Variants in SPOCK3 observed in about 807,000 individuals in gnomAD.
SPOCK3 encodes the protein testican-3.
Under a neutral mutation model 56.6 loss-of-function variants are expected in SPOCK3, and 30 were observed. The ratio of observed to expected loss-of-function variants is 0.53; its 90% CI spans 0.40 to 0.72. The LOEUF is 0.72. Among genes scored for constraint, SPOCK3 ranks in the 30% least tolerant of loss-of-function variants. The pLI is 0.00. For missense variants in SPOCK3, 527 were observed against 530.0 expected, an observed-to-expected ratio of 0.99 and a Z score of 0.06; for synonymous variants, 196 against 183.3, an observed-to-expected ratio of 1.07 and a Z score of -0.56.
At chr4:167,027,417 C>T (rs958006649) in intron 3 of SPOCK3, among the ~76,000 whole-genome samples, 24 of 151,840 alleles carry the variant, frequency 1.6e-4, no homozygotes, top group African/African-American at 5.8e-4. Flanking sequence ...AGGTAATGTC[C>T]CTTGTCTTGC....
intron 4 of SPOCK3, among the ~76,000 whole-genome samples, chr4:166,938,955 C>CCA (rs59234659): frequency 0.58 from 86,153 of 148,334 alleles, 25,341 homozygotes; most frequent in East Asian, 0.88. Flanking sequence ...CATACACACA[C>CCA]CACACACACA....
rs1737267799 is a variant in SPOCK3, at chr4:166,761,875, C to T, written c.710-7146G>A. 4.7e-4 allele frequency among the ~76,000 whole-genome samples: 2 copies of T among 4,222 alleles called. 1 individual carries two copies. Among genetic ancestry groups the T allele is most frequent in the Non-Finnish European group, 1.2e-3 (2 of 1,724 alleles). 2.8% of individuals were successfully genotyped at this position (4,222 alleles called of 152,430 possible). On this transcript the variant is annotated intron_variant, in intron 7 of 10. Transcript: ENST00000357545. ...CTAACCTGCACAATGTGCACATGTA[C>T]CCTAAAACTTAGAGTATAATAAAAA... is the stretch of plus-strand genomic sequence containing the variant.
intron 2 of SPOCK3, among the ~76,000 whole-genome samples, chr4:167,067,367 AT>A (rs1756258786): frequency 6.6e-6 from 1 of 151,892 alleles, no homozygotes; most frequent in South Asian, 2.1e-4. Context: ...GTTAACTGCT[AT>A]AAAAAGATCA....
At position 166,800,183 on chromosome 4, in the gene SPOCK3, G is replaced by GAAAAAAAAAAAAAAAAAAAA. The variant is rs367811359; in HGVS notation, c.590-7914_590-7895dup. 2.0e-3 allele frequency among the ~76,000 whole-genome samples: 105 copies of GAAAAAAAAAAAAAAAAAAAA among 51,766 alleles called. 1 individual carries two copies. Among genetic ancestry groups the GAAAAAAAAAAAAAAAAAAAA allele is most frequent in the Middle Eastern group, 0.011 (1 of 94 alleles). The allele number at this position is 51,766 out of a possible 152,430, so 34.0% of individuals were successfully genotyped here. ...GGCGACAGAGAGAGACTCCATCTCA[G>GAAAAAAAAAAAAAAAAAAAA]AAAAAAAAAAAAAAAAAAAAAAATG... On this transcript the variant is annotated intron_variant, in intron 6 of 10. Coordinates refer to ENST00000357545, the MANE Select transcript of SPOCK3 (RefSeq NM_001040159.2).
At chr4:167,000,644 T>C (rs1748855240) in intron 3 of SPOCK3, among the ~76,000 whole-genome samples, 181 bp from the exon 4 acceptor site, 1 of 152,166 alleles carries the variant, frequency 6.6e-6, no homozygotes, top group Non-Finnish European at 1.5e-5. Flanking sequence ...AACAGCTAGC[T>C]GTAGTTGTCT....
chr4:167,117,855 A>G lies in SPOCK3; in HGVS notation c.190-55318T>C, dbSNP rs566085516. On this transcript the variant is annotated intron_variant, in intron 2 of 10. Transcript: ENST00000357545. Reference sequence around the variant, plus strand: ...CAGAGGAGAACAAAGTCTGACTAAAATGCAACAAAGCTTAATAAGACCCAA... The same window carrying G: ...CAGAGGAGAACAAAGTCTGACTAAAGTGCAACAAAGCTTAATAAGACCCAA... Among the ~76,000 whole-genome samples the G allele has an allele frequency of 5.9e-5, 9 of 152,312 alleles. No individual in the cohort carries two copies. The South Asian group carries it at 1.9e-3, about 32-fold the overall frequency.
rs115205486 is a variant in SPOCK3 at position 166,873,904 on chromosome 4, G to A, written c.589+15226C>T. On this transcript the variant is annotated intron_variant, in intron 6 of 10. Transcript: ENST00000357545. ...CATCAAAGATCTCAAAAGCATGTGG[G>A]TATTCACTCAGAAGAAGGAATGGAT... 6.1e-3 allele frequency among the ~76,000 whole-genome samples: 932 copies of A among 152,228 alleles called. 8 individuals are homozygous for A. The highest frequency in any genetic ancestry group is 6.8e-3 in the Middle Eastern group (2 of 294).
At chr4:167,148,481 A>C (rs929506571) in intron 2 of SPOCK3, among the ~76,000 whole-genome samples, 6 of 152,176 alleles carry the variant, frequency 3.9e-5, no homozygotes, top group Non-Finnish European at 7.3e-5. Context: ...AATTGGCTTC[A>C]ACCAATCGTG....
At chr4:167,233,154 T>C (rs2111190500) in intron 2 of SPOCK3, among the ~76,000 whole-genome samples, 1 of 152,292 alleles carries the variant, frequency 6.6e-6, no homozygotes, top group East Asian at 1.9e-4. Flanking sequence ...TCGTGCTCTG[T>C]ACGTGAGCAG....
At chr4:166,819,734 T>A (rs1280526213) in intron 6 of SPOCK3, among the ~76,000 whole-genome samples, 1 of 151,668 alleles carries the variant, frequency 6.6e-6, no homozygotes, top group East Asian at 1.9e-4. Context: ...ACCACATTCA[T>A]GAATTGGAAG....
intron 2 of SPOCK3, among the ~76,000 whole-genome samples, chr4:167,126,195 C>CTACG (rs538001494): frequency 3.9e-5 from 6 of 152,132 alleles, no homozygotes; most frequent in Middle Eastern, 3.2e-3. Context: ...TGTTTGACAC[C>CTACG]TACGGTAAGG....
Position 166,885,817 on chromosome 4 carries a change from T to C in SPOCK3, c.589+3313A>G, listed in dbSNP as rs1457009658. On this transcript the variant is annotated intron_variant, in intron 6 of 10. Transcript: ENST00000357545. Reference sequence around the variant, plus strand: ...AAACTCATAATCATAAGAAAAGTAGTTTGAACTTTGGAATACCCAGATTTG... The same window carrying C: ...AAACTCATAATCATAAGAAAAGTAGCTTGAACTTTGGAATACCCAGATTTG... Among the ~76,000 whole-genome samples the C allele has an allele frequency of 2.6e-5, 4 of 152,218 alleles. No individual in the cohort carries two copies. The East Asian group carries it at 7.7e-4, about 29-fold the overall frequency.
At chr4:167,124,446 T>C (rs1400049755) in intron 2 of SPOCK3, among the ~76,000 whole-genome samples, 4 of 152,202 alleles carry the variant, frequency 2.6e-5, no homozygotes, top group African/African-American at 9.6e-5. Flanking sequence ...TGCAGTCAGA[T>C]ATTTTCATCT....
intron 3 of SPOCK3, among the ~76,000 whole-genome samples, chr4:167,007,783 C>T (rs1749603037): frequency 6.6e-6 from 1 of 152,090 alleles, no homozygotes; most frequent in Non-Finnish European, 1.5e-5. Flanking sequence ...CCTCTAAGAG[C>T]TTACTGATGA....
intron 7 of SPOCK3, among the ~76,000 whole-genome samples, chr4:166,769,188 G>A (rs532594912): frequency 5.9e-5 from 9 of 152,252 alleles, no homozygotes; most frequent in South Asian, 4.1e-4. Context: ...CTCTCAACTC[G>A]TCAAAGTTAT....
At chr4:166,746,262 G>C (rs1735600414) in intron 8 of SPOCK3, among the ~76,000 whole-genome samples, 1 of 152,150 alleles carries the variant, frequency 6.6e-6, no homozygotes, top group African/African-American at 2.4e-5. Context: ...GCCAGCAAAT[G>C]TAAAAGAACA....
chr4:166,754,429 C>T (rs549136513), intron 8 of SPOCK3, 79 bp downstream of exon 8: 1 of 1,514,076 alleles, frequency 6.6e-7, no homozygotes, highest in African/African-American at 1.4e-5. Flanking sequence ...GCATAGTGTA[C>T]TGTTTTATTT....
At chr4:166,999,427 T>C (rs1748729323) in intron 4 of SPOCK3, among the ~76,000 whole-genome samples, 1 of 152,178 alleles carries the variant, frequency 6.6e-6, no homozygotes, top group African/African-American at 2.4e-5. Flanking sequence ...TATGTTCTTA[T>C]TTTCCAATGT....
chr4:166,950,052 T>A (rs34501580), intron 4 of SPOCK3, among the ~76,000 whole-genome samples: 2 of 150,184 alleles, frequency 1.3e-5, no homozygotes, highest in Non-Finnish European at 2.9e-5. Flanking sequence ...ACCAGCTAAC[T>A]TCATAATGAC....
Sources: allele counts gnomAD v4.1 joint callset (sites outside exome capture counted in the v4.1 genomes callset), GRCh38; gene constraint gnomAD v4.1.1; transcripts MANE v1.5; gene names NCBI Gene and HGNC (gene_info 2026-07-23, HGNC 2026-07-21).